FIGLA: variants seen among roughly 807,000 people sequenced by gnomAD.
FIGLA encodes folliculogenesis specific bHLH transcription factor.
A neutral mutation model predicts 21.5 loss-of-function variants in FIGLA; 17 were observed. The ratio of observed to expected loss-of-function variants is 0.79; its 90% confidence interval spans 0.54 to 1.19. The LOEUF (loss-of-function observed/expected upper bound fraction) is 1.19, where lower values mean the gene tolerates loss of function less well. Ranked by LOEUF, FIGLA falls within the 50% of genes most tolerant of loss-of-function variation. FIGLA has a pLI of 0.00. For missense variants in FIGLA, 282 were observed against 285.0 expected (o/e 0.99, Z 0.08); for synonymous variants, 129 against 117.6 (o/e 1.10, Z -0.63).
At chr2:70,783,147 T>C (rs1300850354) in intron 3 of FIGLA, among the ~76,000 whole-genome samples, 1 of 151,336 alleles carries the variant, frequency 6.6e-6, no homozygotes, top group Non-Finnish European at 1.5e-5. Flanking sequence ...TGCAAAAAAA[T>C]GGCACTCTTT....
Position 70,787,681 on chromosome 2 carries a change from T to C in FIGLA, c.352A>G (p.Ser118Gly). Residue 118 changes from serine (S) to glycine (G), a missense_variant, in exon 2 of 5, where the codon AGT becomes GGT. Physicochemically the swap from Ser to Gly is moderately conservative, Grantham distance 56 (BLOSUM62 0). Coordinates refer to ENST00000332372, the MANE Select transcript of FIGLA (RefSeq NM_001004311.3). ...KGATEYIQVL[S>G]DLLEGAKDSK... The stretch of plus-strand genomic sequence containing the variant: ...TCTTTGGCTCCTTCCAAAAGATCAC[T>C]GAGAACCTGTATATATTCAGTCGCA... 6.3e-7 allele frequency: 1 copy of C among 1,587,800 alleles called. No individual in the cohort carries two copies. Among genetic ancestry groups the C allele is most frequent in the Non-Finnish European group, 8.6e-7 (1 of 1,166,424 alleles).
At position 70,790,631 on chromosome 2, in the gene FIGLA, G is replaced by C. The variant is rs1344113162; in HGVS notation, c.8C>G (p.Pro3Arg). ...GCGGGGATCTAGGACGCCGGGCGCG[G>C]GGTCCATGGCAGGGCCGAGGCCGCT... MDPAPGVLDPRAA... is the reference protein window; with the variant it reads MDRAPGVLDPRAA... The change falls in exon 1 of 5, where the codon CCC becomes CGC. Residue 3 changes from proline to arginine, a missense_variant. Pro to Arg is a moderately radical substitution (Grantham distance 103). Transcript: ENST00000332372. 2 of 1,413,052 alleles carry C rather than the reference G, an allele frequency of 1.4e-6. No homozygotes were observed. The highest frequency in any genetic ancestry group is 9.2e-7 in the Non-Finnish European group (1 of 1,090,184). 87.5% of individuals were successfully genotyped at this position (1,413,052 alleles called of 1,614,324 possible).
At chr2:70,786,153 T>G (rs781952634) in intron 2 of FIGLA, among the ~76,000 whole-genome samples, 3 of 151,762 alleles carry the variant, frequency 2.0e-5, no homozygotes, top group Non-Finnish European at 2.9e-5. Flanking sequence ...CTCTCTAGTA[T>G]CTCTCCTTCT....
At chr2:70,782,797 G>A (rs1247067291) in intron 3 of FIGLA, among the ~76,000 whole-genome samples, 1 of 152,126 alleles carries the variant, frequency 6.6e-6, no homozygotes, top group Admixed American at 6.5e-5. Context: ...GGCTGGGCAT[G>A]GTGGCTCATG....
At chr2:70,781,431 G>A (rs1159855358) in intron 3 of FIGLA, among the ~76,000 whole-genome samples, 6 of 152,182 alleles carry the variant, frequency 3.9e-5, no homozygotes, top group African/African-American at 7.2e-5. Flanking sequence ...GCCACAGTGG[G>A]GACAATTGGA....
At position 70,790,607 on chromosome 2, in the gene FIGLA, C is replaced by CG; in HGVS notation, c.31dup (p.Arg11ProfsTer48). On this transcript the variant is annotated frameshift_variant, in exon 1 of 5. Transcript: ENST00000332372. LOFTEE classifies it high-confidence loss of function. ...GCCCAGGAGCGCGGGCGGCGCGGCG[C>CG]GGGGATCTAGGACGCCGGGCGCGGG... The CG allele has an allele frequency of 6.8e-7, 1 of 1,464,876 alleles. No homozygotes were observed. Among genetic ancestry groups the CG allele is most frequent in the Non-Finnish European group, 9.0e-7 (1 of 1,114,576 alleles). The allele number at this position is 1,464,876 out of a possible 1,614,324, so 90.7% of individuals were successfully genotyped here. A position where few individuals can be genotyped will look rare whatever the true frequency, so the allele number is the denominator to read the frequency against.
At chr2:70,785,267 A>T (rs73937008) in intron 3 of FIGLA, 148 bp downstream of exon 3, 1 of 712,882 alleles carries the variant, frequency 1.4e-6, no homozygotes, top group Middle Eastern at 4.0e-4. Context: ...TAATCTCCCA[A>T]ACTAGTAAAC....
chr2:70,785,707 T>C (rs1553389909), intron 2 of FIGLA, 68 bp from the exon 3 acceptor site: 24 of 1,215,766 alleles, frequency 2.0e-5, no homozygotes, highest in Non-Finnish European at 2.4e-5. Flanking sequence ...TAAACTAATA[T>C]ATTTCAAAGT....
intron 3 of FIGLA, among the ~76,000 whole-genome samples, chr2:70,780,443 C>T (rs1486968925): frequency 6.6e-6 from 1 of 152,164 alleles, no homozygotes; most frequent in African/African-American, 2.4e-5. Flanking sequence ...GATCCTGAAA[C>T]CTTATGGAGT....
chr2:70,787,663 C>T lies in FIGLA; in HGVS notation c.370G>A (p.Ala124Thr). The change falls in exon 2 of 5, where the codon GCC becomes ACC. Residue 124 changes from alanine to threonine, a missense_variant. Coordinates refer to ENST00000332372, the MANE Select transcript of FIGLA (RefSeq NM_001004311.3). ...IQVLSDLLEG[A>T]KDSKKQDPDE... ...TACACCTTTACCTTTGAGTCTTTGG[C>T]TCCTTCCAAAAGATCACTGAGAACC... 1.3e-6 allele frequency: 2 copies of T among 1,571,236 alleles called. No individual in the cohort carries two copies. Among genetic ancestry groups the T allele is most frequent in the East Asian group, 2.3e-5 (1 of 43,086 alleles).
chr2:70,788,448 G>T (rs6705999), intron 1 of FIGLA, among the ~76,000 whole-genome samples: 2 of 151,938 alleles, frequency 1.3e-5, no homozygotes, highest in African/African-American at 4.8e-5. Context: ...GACTTCAAAG[G>T]CTCCTCATAT....
rs1553389791 is a variant in FIGLA at position 70,785,448 on chromosome 2, A to T, written c.576T>A (p.Ser192=). The T allele has an allele frequency of 2.5e-6, 4 of 1,613,730 alleles. No homozygotes were observed. The South Asian group carries it at 4.4e-5, about 18-fold the overall frequency. ...TGGTTGGGGAGATAATTTCAGTCGT[A>T]GACATCACACTGTGGCGACAAGCGT... is the stretch of plus-strand genomic sequence containing the variant. ...PAHACRHSVM[S]TTEIISPTRS... is the part of the protein sequence containing the mutation. The change falls in exon 3 of 5, where the codon TCT becomes TCA. Residue 192 remains serine, a synonymous_variant. Coordinates refer to ENST00000332372, the MANE Select transcript of FIGLA (RefSeq NM_001004311.3).
intron 3 of FIGLA, among the ~76,000 whole-genome samples, chr2:70,781,504 G>A (rs1319649173): frequency 6.6e-6 from 1 of 152,074 alleles, no homozygotes; most frequent in African/African-American, 2.4e-5. Flanking sequence ...AAAACCATGA[G>A]CTCATACTAA....
At chr2:70,789,549 A>G (rs575440922) in intron 1 of FIGLA, among the ~76,000 whole-genome samples, 2 of 152,094 alleles carry the variant, frequency 1.3e-5, no homozygotes, top group East Asian at 1.9e-4. Flanking sequence ...CAAAGCTCCT[A>G]CTTGATTCAC....
intron 3 of FIGLA, among the ~76,000 whole-genome samples, chr2:70,783,568 A>G (rs975367591): frequency 5.3e-5 from 8 of 152,230 alleles, no homozygotes; most frequent in African/African-American, 1.7e-4. Flanking sequence ...GCTCACCATG[A>G]CAGTGACATG....
Position 70,790,397 on chromosome 2 carries a change from G to T in FIGLA, c.231+11C>A, listed in dbSNP as rs1285889154. ...AGGGGGGAACGGACGTCGACCCTAG[G>T]GATCCCTCACCCGCTCACGCTCCTT... On this transcript the variant is annotated intron_variant, in intron 1 of 4. Transcript: ENST00000332372. The T allele has an allele frequency of 1.1e-5, 16 of 1,523,392 alleles. No individual in the cohort carries two copies. In the African/African-American group the frequency reaches 2.0e-4, roughly 19 times the overall value. 94.4% of individuals were successfully genotyped at this position (1,523,392 alleles called of 1,614,324 possible).
chr2:70,783,335 C>T (rs902899316), intron 3 of FIGLA, among the ~76,000 whole-genome samples: 1 of 152,204 alleles, frequency 6.6e-6, no homozygotes, highest in South Asian at 2.1e-4. Context: ...GAAGGAAATT[C>T]CAGTCAGAAC....
chr2:70,786,957 C>G (rs975836519), intron 2 of FIGLA, among the ~76,000 whole-genome samples: 2 of 152,118 alleles, frequency 1.3e-5, no homozygotes, highest in Non-Finnish European at 2.9e-5. Flanking sequence ...ATTTTGTTTC[C>G]CCAGATGACT....
chr2:70,789,652 C>T (rs537529947), intron 1 of FIGLA, among the ~76,000 whole-genome samples: 1 of 152,284 alleles, frequency 6.6e-6, no homozygotes, highest in African/African-American at 2.4e-5. Flanking sequence ...CTCTTCTACC[C>T]CTCACCCTTC....
Sources: allele counts gnomAD v4.1 joint callset (sites outside exome capture counted in the v4.1 genomes callset), GRCh38; gene constraint gnomAD v4.1.1; transcripts MANE v1.5; gene names NCBI Gene and HGNC (gene_info 2026-07-23, HGNC 2026-07-21).